The following SYTL5 variants were observed in gnomAD, a reference collection of about 807,000 sequenced individuals.
The protein encoded by SYTL5 is synaptotagmin-like protein 5.
In SYTL5, 34 loss-of-function variants were observed where a neutral mutation model predicts 55.9. The ratio of observed to expected loss-of-function variants is 0.61; its 90% CI spans 0.46 to 0.81. The LOEUF (loss-of-function observed/expected upper bound fraction) is 0.81, where lower values mean the gene tolerates loss of function less well. Among genes scored for constraint, SYTL5 ranks in the 30% least tolerant of loss-of-function variants. The probability of loss-of-function intolerance (pLI) is 0.00; values close to 1 mark genes in which losing one functional copy is unlikely to be tolerated. For synonymous variants in SYTL5, 221 were observed against 188.7 expected, an observed-to-expected ratio of 1.17 and a Z score of -1.40; for missense variants, 637 against 546.7, an observed-to-expected ratio of 1.17 and a Z score of -1.65.
At chrX:37,992,627 T>C in the SYTL5 span, among the ~76,000 whole-genome samples, 1 of 112,053 alleles carries the variant, frequency 8.9e-6, no homozygotes, top group Non-Finnish European at 1.9e-5. Flanking sequence ...TAATAAACAG[T>C]TGCATCTCCT....
the SYTL5 span, among the ~76,000 whole-genome samples, chrX:37,907,800 G>A: frequency 1.8e-5 from 2 of 111,648 alleles, no homozygotes; most frequent in African/African-American, 6.5e-5. Context: ...CTCAAAGTGT[G>A]GATCCTCAGA....
the SYTL5 span, among the ~76,000 whole-genome samples, chrX:37,911,803 T>TAC: frequency 1.8e-5 from 2 of 111,709 alleles, no homozygotes; most frequent in East Asian, 5.5e-4. Context: ...GTGATATATA[T>TAC]ACACACACAT....
At chrX:38,016,678 A>G (rs150966835) in intron 1 of SYTL5, among the ~76,000 whole-genome samples, 1,230 of 111,735 alleles carry the variant, frequency 0.011, 12 homozygotes, top group South Asian at 0.015. Flanking sequence ...TGCAATCCAT[A>G]TAGAGAGCTT....
the SYTL5 span, among the ~76,000 whole-genome samples, chrX:37,992,027 G>T: frequency 5.9e-4 from 66 of 112,281 alleles, no homozygotes; most frequent in African/African-American, 2.1e-3. Flanking sequence ...AATTATTAAT[G>T]AATCAGCTTA....
chrX:37,914,453 C>T, the SYTL5 span, among the ~76,000 whole-genome samples: 1 of 111,566 alleles, frequency 9.0e-6, no homozygotes. Context: ...TCACCAAAAA[C>T]TTCATGCAGT....
chrX:38,018,611 A>G (rs1934438583), intron 1 of SYTL5, among the ~76,000 whole-genome samples: 2 of 111,205 alleles, frequency 1.8e-5, no homozygotes, highest in Non-Finnish European at 3.8e-5. Flanking sequence ...CACTGTGAAC[A>G]GTATTATCAT....
chrX:38,077,875 C>T (rs1238231945), intron 6 of SYTL5, among the ~76,000 whole-genome samples: 1 of 111,544 alleles, frequency 9.0e-6, no homozygotes, highest in East Asian at 2.8e-4. Flanking sequence ...TTTCTATAAA[C>T]ATCTCATTTT....
the SYTL5 span, among the ~76,000 whole-genome samples, chrX:37,986,573 ACTT>A: frequency 9.0e-6 from 1 of 111,492 alleles, no homozygotes; most frequent in Non-Finnish European, 1.9e-5. Context: ...TTTAGTTTTT[ACTT>A]CTTCTTTCTT....
chrX:37,938,423 C>CT, the SYTL5 span, among the ~76,000 whole-genome samples: 1 of 112,321 alleles, frequency 8.9e-6, no homozygotes, highest in African/African-American at 3.2e-5. Flanking sequence ...TAAGCAAATG[C>CT]TTATTTGCAT....
intron 1 of SYTL5, among the ~76,000 whole-genome samples, chrX:38,014,329 C>A (rs1390779573): frequency 2.7e-5 from 3 of 112,325 alleles, no homozygotes; most frequent in African/African-American, 9.7e-5. Context: ...ACCCCTTAGT[C>A]AGAATCCAGC....
the SYTL5 span, among the ~76,000 whole-genome samples, chrX:37,901,779 A>C: frequency 8.9e-6 from 1 of 111,741 alleles, no homozygotes; most frequent in East Asian, 2.8e-4. Flanking sequence ...TCCTATTGCC[A>C]TTCAGGTGAG....
chrX:38,102,226 C>A, intron 9 of SYTL5, 116 bp from the exon 10 acceptor site: 1 of 486,198 alleles, frequency 2.1e-6, no homozygotes, highest in Non-Finnish European at 3.5e-6. Context: ...GGAGTGATTT[C>A]TAGAAATTTT....
At chrX:38,100,560 A>G (rs552046883) in intron 9 of SYTL5, among the ~76,000 whole-genome samples, 4 of 111,307 alleles carry the variant, frequency 3.6e-5, no homozygotes, top group South Asian at 7.5e-4. Context: ...CAACTTAGTA[A>G]TAAGAGAAAT....
intron 1 of SYTL5, among the ~76,000 whole-genome samples, chrX:38,008,677 C>T (rs987868362): frequency 5.2e-5 from 5 of 96,264 alleles, no homozygotes; most frequent in Non-Finnish European, 9.1e-5. Flanking sequence ...ATAAAACATA[C>T]CCTACTGCCT....
chrX:37,957,522 T>C, the SYTL5 span, among the ~76,000 whole-genome samples: 9 of 112,136 alleles, frequency 8.0e-5, no homozygotes, highest in Middle Eastern at 4.6e-3. Flanking sequence ...CCCAGCATCA[T>C]TTACTGAGAG....
At chrX:38,083,971 C>T (rs1166335707) in intron 6 of SYTL5, among the ~76,000 whole-genome samples, 1 of 110,129 alleles carries the variant, frequency 9.1e-6, no homozygotes, top group African/African-American at 3.3e-5. Context: ...TTCTTTCACC[C>T]GCCAAAGCAG....
the SYTL5 span, among the ~76,000 whole-genome samples, chrX:37,896,365 C>T: frequency 9.0e-6 from 1 of 111,602 alleles, no homozygotes; most frequent in African/African-American, 3.3e-5. Flanking sequence ...CTTCTTATCC[C>T]TCTTTGCACA....
At chrX:38,074,439 T>A (rs758821918) in intron 5 of SYTL5, among the ~76,000 whole-genome samples, 1 of 111,212 alleles carries the variant, frequency 9.0e-6, no homozygotes, top group Non-Finnish European at 1.9e-5. Flanking sequence ...ATTATTGAGA[T>A]GGGGTCTCAT....
chrX:37,931,438 TG>T, the SYTL5 span, among the ~76,000 whole-genome samples: 2 of 111,970 alleles, frequency 1.8e-5, no homozygotes, highest in African/African-American at 6.5e-5. Context: ...ATATCTTATT[TG>T]GTACTCTTCT....
Sources: allele counts gnomAD v4.1 joint callset (sites outside exome capture counted in the v4.1 genomes callset), GRCh38; gene constraint gnomAD v4.1.1; transcripts MANE v1.5; gene names NCBI Gene and HGNC (gene_info 2026-07-23, HGNC 2026-07-21).